ASXL3: variants seen among roughly 807,000 people sequenced by gnomAD.
The protein encoded by ASXL3 is ASXL transcriptional regulator 3.
Under a neutral mutation model 170.6 loss-of-function variants are expected in ASXL3, and 34 were observed. The ratio of observed to expected loss-of-function variants is 0.20; its 90% CI spans 0.15 to 0.27. The LOEUF is 0.27. Among genes scored for constraint, ASXL3 ranks in the 10% least tolerant of loss-of-function variants. The probability of loss-of-function intolerance (pLI) is 1.00; values close to 1 mark genes in which losing one functional copy is unlikely to be tolerated. For missense variants in ASXL3, 2,592 were observed against 2,695.3 expected, an observed-to-expected ratio of 0.96 and a Z score of 0.85; for synonymous variants, 1,002 against 989.1, an observed-to-expected ratio of 1.01 and a Z score of -0.24.
chr18:33,663,173 AG>A, intron 5 of ASXL3, among the ~76,000 whole-genome samples: 1 of 152,288 alleles, frequency 6.6e-6, no homozygotes, highest in Non-Finnish European at 1.5e-5. Context: ...TAGGTAGCAA[AG>A]CCTGGGCTAC....
At chr18:33,679,615 A>G (rs12607512) in intron 7 of ASXL3, among the ~76,000 whole-genome samples, 66,696 of 151,900 alleles carry the variant, frequency 0.44, 15,379 homozygotes, top group East Asian at 0.8. Flanking sequence ...CACCTCACAT[A>G]AAGTTTATCT....
chr18:33,681,124 GT>G (rs2066507216), intron 7 of ASXL3, among the ~76,000 whole-genome samples: 1 of 151,814 alleles, frequency 6.6e-6, no homozygotes, highest in African/African-American at 2.4e-5. Flanking sequence ...GCATACCAGA[GT>G]TTTATAGTGC....
chr18:33,592,196 CAA>C (rs943492347), intron 1 of ASXL3, among the ~76,000 whole-genome samples: 2 of 151,992 alleles, frequency 1.3e-5, no homozygotes, highest in Non-Finnish European at 2.9e-5. Context: ...GATGGGGAAA[CAA>C]ATAATAGGAC....
intron 2 of ASXL3, among the ~76,000 whole-genome samples, chr18:33,626,219 G>C (rs1051604139): frequency 6.6e-6 from 1 of 152,046 alleles, no homozygotes; most frequent in African/African-American, 2.4e-5. Context: ...TCTTTTACTT[G>C]GTTTGAATTC....
At chr18:33,699,070 G>A (rs536729350) in intron 8 of ASXL3, among the ~76,000 whole-genome samples, 21 of 152,176 alleles carry the variant, frequency 1.4e-4, no homozygotes, top group African/African-American at 4.8e-4. Context: ...ATATAGAAAT[G>A]CTACAAAATA....
At chr18:33,610,278 T>G (rs573022595) in intron 2 of ASXL3, among the ~76,000 whole-genome samples, 1 of 152,202 alleles carries the variant, frequency 6.6e-6, no homozygotes, top group African/African-American at 2.4e-5. Context: ...TCTAGGTATT[T>G]ACTAATGATG....
At chr18:33,625,079 T>A (rs2065579976) in intron 2 of ASXL3, among the ~76,000 whole-genome samples, 1 of 152,158 alleles carries the variant, frequency 6.6e-6, no homozygotes, top group East Asian at 1.9e-4. Flanking sequence ...ATACAGATGG[T>A]TAGTGCTCCT....
intron 8 of ASXL3, among the ~76,000 whole-genome samples, chr18:33,700,640 G>C (rs1010745936): frequency 6.6e-6 from 1 of 152,058 alleles, no homozygotes; most frequent in South Asian, 2.1e-4. Flanking sequence ...CAGCACATCA[G>C]GCTACCTTAG....
Position 33,744,440 on chromosome 18 carries a change from A to G in ASXL3, c.4592A>G (p.Glu1531Gly). 6.2e-7 allele frequency: 1 copy of G among 1,613,748 alleles called. No homozygotes were observed. The change falls in exon 12 of 12, where the codon GAA (glutamate) becomes GGA (glycine). Residue 1531 changes from glutamate (E) to glycine (G), a missense_variant. Coordinates refer to ENST00000269197, the MANE Select transcript of ASXL3 (RefSeq NM_030632.3). ...VISRPEPVAN[E>G]GIDHSSTFIA... The stretch of plus-strand genomic sequence containing the variant: ...AGCAGGCCTGAGCCAGTTGCCAACG[A>G]AGGTATAGATCACAGTTCCACTTTC...
chr18:33,686,941 C>A (rs1216616753), intron 8 of ASXL3, among the ~76,000 whole-genome samples: 1 of 152,136 alleles, frequency 6.6e-6, no homozygotes, highest in African/African-American at 2.4e-5. Flanking sequence ...AGATAAGACA[C>A]AGAGAGGCTG....
In ASXL3 at chr18:33,602,254, A is replaced by G. The variant is rs1413686982; in HGVS notation, c.55-5340A>G. ...CCATTCTATGGAAAAATTGTCTTCC[A>G]TGAAACCAGTCCCTGGTGCCAAAAA... On this transcript the variant is annotated intron_variant, in intron 1 of 11. Transcript: ENST00000269197. Among the ~76,000 whole-genome samples the G allele has an allele frequency of 3.9e-5, 6 of 152,186 alleles. No individual in the cohort carries two copies. In the East Asian group the frequency reaches 1.2e-3, roughly 29 times the overall value.
At chr18:33,656,726 G>A (rs1251809394) in intron 4 of ASXL3, among the ~76,000 whole-genome samples, 1 of 152,010 alleles carries the variant, frequency 6.6e-6, no homozygotes. Context: ...GTCTTGCAAA[G>A]GAAATTCTGT....
chr18:33,735,520 T>C (rs2067530675), intron 10 of ASXL3, among the ~76,000 whole-genome samples: 1 of 152,210 alleles, frequency 6.6e-6, no homozygotes, highest in Non-Finnish European at 1.5e-5. Context: ...TGTCTTCACA[T>C]GAAGTCACCA....
Position 33,745,476 on chromosome 18 carries a change from A to T in ASXL3, c.5628A>T (p.Gln1876His), listed in dbSNP as rs1194416944. 1 of 1,614,074 alleles carries T rather than the reference A, an allele frequency of 6.2e-7. No individual in the cohort carries two copies. The highest frequency in any genetic ancestry group is 1.6e-4 in the Middle Eastern group (1 of 6,062). The change falls in exon 12 of 12, where the codon CAA (glutamine) becomes CAT (histidine). Residue 1876 changes from glutamine (Q) to histidine (H), a missense_variant. By Grantham distance (24) the Gln-to-His change is conservative. Coordinates refer to ENST00000269197, the MANE Select transcript of ASXL3 (RefSeq NM_030632.3). ...TAGGACACAGCCAGCCATTTAAGCAAGAATGGCTAAACAAGCACTCCATGC... is the reference window on the plus strand; with the variant it reads ...TAGGACACAGCCAGCCATTTAAGCATGAATGGCTAAACAAGCACTCCATGC... ...SQLGHSQPFK[Q>H]EWLNKHSMQN...
At chr18:33,635,654 C>T (rs2065752291) in intron 2 of ASXL3, among the ~76,000 whole-genome samples, 1 of 152,134 alleles carries the variant, frequency 6.6e-6, no homozygotes, top group Admixed American at 6.5e-5. Context: ...TGAAATCAAT[C>T]CTATTTTATC....
chr18:33,629,411 T>C lies in ASXL3; in HGVS notation c.138-15483T>C, dbSNP rs192422616. 2.0e-5 allele frequency among the ~76,000 whole-genome samples: 3 copies of C among 152,170 alleles called. No individual in the cohort carries two copies. In the East Asian group the frequency reaches 5.8e-4, roughly 29 times the overall value. ...TGGCCAGAAACTGTGATATCCCAAG[T>C]TGTGTTTTTAGGAAGATTGAAAAAT... On this transcript the variant is annotated intron_variant, in intron 2 of 11. Coordinates refer to ENST00000269197, the MANE Select transcript of ASXL3 (RefSeq NM_030632.3).
chr18:33,741,132 G>A (rs1051279979), intron 11 of ASXL3, among the ~76,000 whole-genome samples: 2 of 152,122 alleles, frequency 1.3e-5, no homozygotes, highest in African/African-American at 2.4e-5. Context: ...TAAAAGATGA[G>A]CATTAAGTTC....
intron 7 of ASXL3, among the ~76,000 whole-genome samples, chr18:33,683,179 G>T (rs1335003173): frequency 1.3e-5 from 2 of 152,182 alleles, no homozygotes; most frequent in African/African-American, 4.8e-5. Flanking sequence ...AAGATATTGA[G>T]TGAAGTATAC....
chr18:33,597,256 G>A (rs2065136083), intron 1 of ASXL3, among the ~76,000 whole-genome samples: 1 of 151,904 alleles, frequency 6.6e-6, no homozygotes, highest in Non-Finnish European at 1.5e-5. Flanking sequence ...GATGTGGGTG[G>A]GACTTTGTGG....
Sources: gnomAD v4.1 joint callset for allele counts (sites outside exome capture counted in the v4.1 genomes callset) on GRCh38, gnomAD v4.1.1 for gene constraint, MANE v1.5 for transcripts, NCBI Gene and HGNC (gene_info 2026-07-23, HGNC 2026-07-21) for gene names.